Variants in IRF2 observed in about 807,000 individuals in gnomAD.
IRF2 encodes the protein interferon regulatory factor 2.
A neutral mutation model predicts 40.6 loss-of-function variants in IRF2; 15 were observed. The ratio of observed to expected loss-of-function variants is 0.37; its 90% CI spans 0.25 to 0.57. IRF2 has a LOEUF of 0.57. IRF2 is among the 20% of genes least tolerant of loss of function. IRF2 has a pLI of 0.77. For synonymous variants in IRF2, 151 were observed against 165.5 expected (o/e 0.91, Z 0.67); for missense variants, 317 against 455.7 (o/e 0.70, Z 2.77).
intron 1 of IRF2, among the ~76,000 whole-genome samples, chr4:184,438,569 C>T (rs544131720): frequency 5.3e-5 from 8 of 152,118 alleles, no homozygotes; most frequent in East Asian, 1.9e-4. Flanking sequence ...CAGGTGTGTG[C>T]GAGCATGTGG....
intron 6 of IRF2, among the ~76,000 whole-genome samples, chr4:184,402,206 G>A (rs987671066): frequency 1.3e-5 from 2 of 152,160 alleles, no homozygotes; most frequent in Non-Finnish European, 2.9e-5. Flanking sequence ...AAAAGAAGGG[G>A]GCCATACAAT....
rs760793595 is a variant in IRF2, at chr4:184,389,056, T to C, written c.752A>G (p.His251Arg). 3.1e-6 allele frequency: 5 copies of C among 1,614,062 alleles called. No individual in the cohort carries two copies. The highest frequency in any genetic ancestry group is 2.7e-5 in the African/African-American group (2 of 74,926). The change falls in exon 9 of 9, where the codon CAC becomes CGC. Residue 251 changes from histidine (H) to arginine (R), a missense_variant. Coordinates refer to ENST00000393593, the MANE Select transcript of IRF2 (RefSeq NM_002199.4). ...SDEESAEGRPHWRKRNIEGKQ... is the reference protein window; with the variant it reads ...SDEESAEGRPRWRKRNIEGKQ... ...GCCTTCAATATTCCTCTTCCGCCAG[T>C]GTGGCCGCCCCTTTCAAGAAAGTAA...
intron 7 of IRF2, among the ~76,000 whole-genome samples, chr4:184,393,319 G>A (rs1187162317): frequency 6.6e-6 from 1 of 152,186 alleles, no homozygotes; most frequent in Admixed American, 6.5e-5. Context: ...AGCTTTCTTT[G>A]TGCTCCAAAG....
chr4:184,397,037 T>C (rs1481141209), intron 7 of IRF2, among the ~76,000 whole-genome samples: 2 of 152,244 alleles, frequency 1.3e-5, no homozygotes, highest in Admixed American at 6.5e-5. Context: ...TAGTAGTTCT[T>C]GTGACTGCAC....
Position 184,389,025 on chromosome 4 carries a change from C to A in IRF2, c.783G>T (p.Gln261His). Reference protein sequence around the residue: ...HWRKRNIEGKQYLSNMGTRGS... With the variant: ...HWRKRNIEGKHYLSNMGTRGS... ...CTCGAGTCCCCATGTTGCTGAGGTA[C>A]TGTTTGCCTTCAATATTCCTCTTCC... Residue 261 changes from glutamine (Q) to histidine (H), a missense_variant, in exon 9 of 9, where the codon CAG becomes CAT. Physicochemically the swap from Gln to His is conservative, Grantham distance 24 (BLOSUM62 0). Around this residue, in one of 2 missense-constraint regions of IRF2, gnomAD observed 262 missense variants for 334.0 expected, o/e 0.78. Coordinates refer to ENST00000393593, the MANE Select transcript of IRF2 (RefSeq NM_002199.4). The A allele has an allele frequency of 6.2e-7, 1 of 1,614,230 alleles. No homozygotes were observed. Among genetic ancestry groups the A allele is most frequent in the Non-Finnish European group, 8.5e-7 (1 of 1,180,038 alleles).
intron 1 of IRF2, among the ~76,000 whole-genome samples, 188 bp from the exon 2 acceptor site, chr4:184,429,258 G>A (rs1367116190): frequency 1.3e-5 from 2 of 152,206 alleles, no homozygotes; most frequent in Non-Finnish European, 2.9e-5. Context: ...CCGGCCAGGG[G>A]GCTATCTGGA....
chr4:184,428,985 A>C lies in IRF2; in HGVS notation c.80T>G (p.Leu27Arg). 1 of 1,614,058 alleles carries C rather than the reference A, an allele frequency of 6.2e-7. No individual in the cohort carries two copies. Among genetic ancestry groups the C allele is most frequent in the African/African-American group, 1.3e-5 (1 of 75,056 alleles). Residue 27 changes from leucine to arginine, a missense_variant, in exon 2 of 9, where the codon CTT (leucine) becomes CGT (arginine). Around this residue, in one of 2 missense-constraint regions of IRF2, gnomAD observed 55 missense variants for 121.7 expected, o/e 0.45. Coordinates refer to ENST00000393593, the MANE Select transcript of IRF2 (RefSeq NM_002199.4). Reference sequence around the variant, plus strand: ...CCACCCTGACCCACTCACCTTGTTAAGCCACTTGAGCCCCGGGATCGTGTT... The same window carrying C: ...CCACCCTGACCCACTCACCTTGTTACGCCACTTGAGCCCCGGGATCGTGTT... ...NSNTIPGLKW[L>R]NKEKKIFQIP...
At chr4:184,426,245 A>AC (rs1737669665) in intron 2 of IRF2, among the ~76,000 whole-genome samples, 1 of 152,044 alleles carries the variant, frequency 6.6e-6, no homozygotes, top group South Asian at 2.1e-4. Flanking sequence ...CAAACTCCTG[A>AC]CCTCAGGTGA....
At chr4:184,420,367 C>T (rs1215337313) in intron 2 of IRF2, among the ~76,000 whole-genome samples, 1 of 152,168 alleles carries the variant, frequency 6.6e-6, no homozygotes, top group East Asian at 1.9e-4. Flanking sequence ...GTCACAGAAA[C>T]CAAATATCTC....
intron 1 of IRF2, among the ~76,000 whole-genome samples, chr4:184,468,684 C>T (rs774353523): frequency 3.9e-5 from 6 of 152,048 alleles, no homozygotes; most frequent in Admixed American, 3.3e-4. Context: ...AAGAGATCCT[C>T]GATTCAGTGG....
chr4:184,458,694 T>C (rs1739029959), intron 1 of IRF2, among the ~76,000 whole-genome samples: 1 of 152,218 alleles, frequency 6.6e-6, no homozygotes, highest in Admixed American at 6.5e-5. Context: ...TATTTACAAC[T>C]CAGTTATAAT....
At chr4:184,466,647 T>C (rs1739340806) in intron 1 of IRF2, among the ~76,000 whole-genome samples, 1 of 152,186 alleles carries the variant, frequency 6.6e-6, no homozygotes. Context: ...TAGATTGAGT[T>C]TGGGGCCTCA....
At chr4:184,398,620 C>T (rs1736553033) in intron 7 of IRF2, among the ~76,000 whole-genome samples, 1 of 151,192 alleles carries the variant, frequency 6.6e-6, no homozygotes, top group South Asian at 2.1e-4. Context: ...CATCCCACTG[C>T]ACTCCAGCCT....
intron 1 of IRF2, among the ~76,000 whole-genome samples, chr4:184,464,436 G>A (rs999811530): frequency 3.3e-5 from 5 of 151,746 alleles, no homozygotes; most frequent in African/African-American, 1.2e-4. Flanking sequence ...TATAGGATAT[G>A]AAAATAGCGA....
intron 1 of IRF2, among the ~76,000 whole-genome samples, chr4:184,444,847 C>T (rs1201391642): frequency 6.6e-6 from 1 of 152,244 alleles, no homozygotes; most frequent in Non-Finnish European, 1.5e-5. Context: ...CCATGGGTAA[C>T]TGTAACCACT....
At chr4:184,441,089 A>C (rs563520186) in intron 1 of IRF2, among the ~76,000 whole-genome samples, 12 of 152,168 alleles carry the variant, frequency 7.9e-5, no homozygotes, top group African/African-American at 2.9e-4. Context: ...AAGTCATAAA[A>C]CTCACTGCCT....
intron 1 of IRF2, among the ~76,000 whole-genome samples, chr4:184,462,094 A>G (rs1180675285): frequency 3.3e-5 from 5 of 152,156 alleles, no homozygotes; most frequent in African/African-American, 4.8e-5. Flanking sequence ...GCCAATAGAG[A>G]TTTACCTTCA....
intron 1 of IRF2, among the ~76,000 whole-genome samples, chr4:184,430,730 C>T (rs1317806530): frequency 1.3e-5 from 2 of 152,176 alleles, no homozygotes; most frequent in African/African-American, 4.8e-5. Context: ...GGGTCTCACT[C>T]TGTCACCCAG....
At chr4:184,473,524 C>G (rs1433319571) in intron 1 of IRF2, among the ~76,000 whole-genome samples, 1 of 147,764 alleles carries the variant, frequency 6.8e-6, no homozygotes, top group Non-Finnish European at 1.5e-5. Context: ...CCCCAGGGCC[C>G]GACCGGGCGC....
Sources: gnomAD v4.1 joint callset for allele counts (sites outside exome capture counted in the v4.1 genomes callset) on GRCh38, gnomAD v4.1.1 for gene constraint, gnomAD v4.1.1 regional missense constraint, MANE v1.5 for transcripts, NCBI Gene and HGNC (gene_info 2026-07-23, HGNC 2026-07-21) for gene names.